MSRA: variants seen among roughly 807,000 people sequenced by gnomAD.
MSRA encodes the protein mitochondrial peptide methionine sulfoxide reductase.
Under a neutral mutation model 31.3 loss-of-function variants are expected in MSRA, and 54 were observed. The ratio of observed to expected loss-of-function variants is 1.73; its 90% CI spans 1.39 to 2.17. MSRA has a LOEUF of 2.17. Among genes scored for constraint, MSRA ranks in the 30% most tolerant of loss-of-function variants. The pLI, the probability that MSRA is intolerant of heterozygous loss-of-function variation, is 0.00. For synonymous variants in MSRA, 169 were observed against 116.5 expected (o/e 1.45, Z -2.90); for missense variants, 507 against 300.9 (o/e 1.69, Z -5.07).
At chr8:10,089,249 A>C (rs1798739470) in intron 1 of MSRA, among the ~76,000 whole-genome samples, 1 of 152,212 alleles carries the variant, frequency 6.6e-6, no homozygotes, top group African/African-American at 2.4e-5. Context: ...TCACGTTGTC[A>C]AACTCAAAAA....
At chr8:10,119,060 A>G (rs1484473062) in intron 1 of MSRA, among the ~76,000 whole-genome samples, 1 of 152,154 alleles carries the variant, frequency 6.6e-6, no homozygotes, top group Non-Finnish European at 1.5e-5. Flanking sequence ...ATCCCCTGTG[A>G]GCAGGATGGA....
chr8:10,343,924 A>G (rs1263403124), intron 5 of MSRA, among the ~76,000 whole-genome samples: 2 of 152,196 alleles, frequency 1.3e-5, no homozygotes, highest in African/African-American at 4.8e-5. Flanking sequence ...TAATGAATGA[A>G]TCAATTGATT....
At chr8:10,186,016 G>C (rs963797191) in intron 1 of MSRA, among the ~76,000 whole-genome samples, 5 of 152,044 alleles carry the variant, frequency 3.3e-5, no homozygotes, top group African/African-American at 9.7e-5. Flanking sequence ...TTTGTCCCCT[G>C]ACCATGGCAC....
At chr8:10,137,217 G>T (rs529943445) in intron 1 of MSRA, among the ~76,000 whole-genome samples, 1 of 152,140 alleles carries the variant, frequency 6.6e-6, no homozygotes, top group Non-Finnish European at 1.5e-5. Flanking sequence ...TTCAAAAATA[G>T]CATTTCTGCT....
chr8:10,214,541 C>T (rs929306213), intron 2 of MSRA, among the ~76,000 whole-genome samples: 6 of 147,666 alleles, frequency 4.1e-5, no homozygotes, highest in African/African-American at 7.4e-5. Flanking sequence ...CCCGGTGTGG[C>T]GTATTTCTCC....
rs944216107 is a variant in MSRA at position 10,240,106 on chromosome 8, T to C, written c.212-4998T>C. Among the ~76,000 whole-genome samples, 6 of 152,206 alleles carry C rather than the reference T, an allele frequency of 3.9e-5. No individual in the cohort carries two copies. The East Asian group carries it at 7.7e-4, about 20-fold the overall frequency. On this transcript the variant is annotated intron_variant, in intron 2 of 5. Coordinates refer to ENST00000317173, the MANE Select transcript of MSRA (RefSeq NM_012331.5). ...AGGGGACAGAAGTTGGCCAAGACCC[T>C]GAAGGCAGGAAAGTCAAACACGTGC...
chr8:10,133,573 C>T (rs1802053733), intron 1 of MSRA, among the ~76,000 whole-genome samples: 1 of 152,154 alleles, frequency 6.6e-6, no homozygotes. Context: ...GCTGTGTGGC[C>T]CTTCCAGTGT....
intron 5 of MSRA, among the ~76,000 whole-genome samples, chr8:10,382,514 C>T (rs976236452): frequency 1.3e-4 from 20 of 152,148 alleles, no homozygotes; most frequent in Non-Finnish European, 2.1e-4. Flanking sequence ...GCAGAATGTC[C>T]AGAGGCTGTC....
intron 4 of MSRA, among the ~76,000 whole-genome samples, chr8:10,309,504 A>G (rs1369713408): frequency 6.6e-6 from 1 of 152,090 alleles, no homozygotes; most frequent in African/African-American, 2.4e-5. Flanking sequence ...TGTTCTGATT[A>G]CCCCTGATGG....
intron 1 of MSRA, among the ~76,000 whole-genome samples, chr8:10,204,978 A>C (rs993868689): frequency 6.6e-6 from 1 of 152,290 alleles, no homozygotes; most frequent in East Asian, 1.9e-4. Context: ...TGAGTGCTGC[A>C]GAGGAAAGGC....
chr8:10,238,344 A>AT (rs984511708), intron 2 of MSRA, among the ~76,000 whole-genome samples: 3 of 151,904 alleles, frequency 2.0e-5, no homozygotes, highest in African/African-American at 7.3e-5. Context: ...TTTTCTTTTC[A>AT]TTTTTTATAG....
chr8:10,165,713 A>G (rs1400127860), intron 1 of MSRA, among the ~76,000 whole-genome samples: 1 of 152,206 alleles, frequency 6.6e-6, no homozygotes, highest in Non-Finnish European at 1.5e-5. Context: ...ACACGTGGAC[A>G]TTGTAGCTGG....
chr8:10,097,773 A>G (rs1799274151), intron 1 of MSRA, among the ~76,000 whole-genome samples: 1 of 152,208 alleles, frequency 6.6e-6, no homozygotes, highest in Admixed American at 6.5e-5. Context: ...CAGTATGATC[A>G]AAAGTAGGTG....
intron 1 of MSRA, among the ~76,000 whole-genome samples, chr8:10,091,512 C>T (rs192298676): frequency 7.9e-4 from 120 of 152,008 alleles, no homozygotes; most frequent in Middle Eastern, 3.4e-3. Context: ...ATGAATAATG[C>T]GGCAGTGAAC....
chr8:10,388,921 G>A (rs985561129), intron 5 of MSRA, among the ~76,000 whole-genome samples: 4 of 151,882 alleles, frequency 2.6e-5, no homozygotes, highest in African/African-American at 4.8e-5. Flanking sequence ...GGTCATTACC[G>A]AATGTCTCCT....
At chr8:10,340,080 A>G (rs903216012) in intron 5 of MSRA, among the ~76,000 whole-genome samples, 5 of 152,146 alleles carry the variant, frequency 3.3e-5, no homozygotes, top group African/African-American at 4.8e-5. Flanking sequence ...TGAGTAGCCA[A>G]TAATGCTGTC....
At position 10,227,158 on chromosome 8, in the gene MSRA, G is replaced by A. The variant is rs148902434; in HGVS notation, c.212-17946G>A. Among the ~76,000 whole-genome samples, 868 of 152,300 alleles carry A rather than the reference G, an allele frequency of 5.7e-3. 6 individuals carry two copies. The highest frequency in any genetic ancestry group is 0.02 in the African/African-American group (834 of 41,570). On this transcript the variant is annotated intron_variant, in intron 2 of 5. Coordinates refer to ENST00000317173, the MANE Select transcript of MSRA (RefSeq NM_012331.5). ...GTAGATCCTAAAATGTGTTGAATGAGGAGCAGATGAAGGAGCTTGGATTCT... is the reference window on the plus strand; with the variant it reads ...GTAGATCCTAAAATGTGTTGAATGAAGAGCAGATGAAGGAGCTTGGATTCT...
At position 10,207,867 on chromosome 8, in the gene MSRA, A is replaced by T. The variant is rs1192344651; in HGVS notation, c.177A>T (p.Glu59Asp). Residue 59 changes from glutamate to aspartate, a missense_variant, in exon 2 of 6, where the codon GAA becomes GAT. Physicochemically the swap from Glu to Asp is conservative, Grantham distance 45. Transcript: ENST00000317173. Reference sequence around the variant, plus strand: ...ATGTCAATGGCAACAGAACAGTCGAACCTTTCCCAGAGGGAACACAGATGG... The same window carrying T: ...ATGTCAATGGCAACAGAACAGTCGATCCTTTCCCAGAGGGAACACAGATGG... ...KHHVNGNRTVEPFPEGTQMAV... is the reference protein window; with the variant it reads ...KHHVNGNRTVDPFPEGTQMAV... 1.9e-6 allele frequency: 3 copies of T among 1,612,550 alleles called. No homozygotes were observed. In the South Asian group the frequency reaches 3.3e-5, roughly 18 times the overall value.
chr8:10,350,601 A>T (rs1804068393), intron 5 of MSRA, among the ~76,000 whole-genome samples: 1 of 152,242 alleles, frequency 6.6e-6, no homozygotes, highest in Non-Finnish European at 1.5e-5. Flanking sequence ...TAATGTTTGA[A>T]TTGGAACCAG....
Sources: gnomAD v4.1 joint callset for allele counts (sites outside exome capture counted in the v4.1 genomes callset) on GRCh38, gnomAD v4.1.1 for gene constraint, MANE v1.5 for transcripts, NCBI Gene and HGNC (gene_info 2026-07-23, HGNC 2026-07-21) for gene names.